The following LACTB variants were observed in gnomAD, a reference collection of about 807,000 sequenced individuals.
The protein encoded by LACTB is lactamase beta, also known as serine beta-lactamase-like protein LACTB, mitochondrial.
Under a neutral mutation model 50.2 loss-of-function variants are expected in LACTB, and 35 were observed. The observed-to-expected ratio is 0.70, with a 90% CI of 0.53 to 0.92. LACTB has a LOEUF of 0.92. Ranked by LOEUF, LACTB falls within the 40% of genes least tolerant of loss-of-function variation. The pLI, the probability that LACTB is intolerant of heterozygous loss-of-function variation, is 0.00. For missense variants in LACTB, 664 were observed against 691.8 expected (o/e 0.96, Z 0.45); for synonymous variants, 252 against 268.2 (o/e 0.94, Z 0.59).
chr15:63,122,278 C>T (rs1282581104), intron 1 of LACTB, 50 bp downstream of exon 1: 1 of 1,445,134 alleles, frequency 6.9e-7, no homozygotes, highest in Non-Finnish European at 9.2e-7. Context: ...CCACCCCTGT[C>T]GGCGGTGCTG....
At chr15:63,135,154 T>C (rs999100313) in intron 5 of LACTB, among the ~76,000 whole-genome samples, 4 of 152,322 alleles carry the variant, frequency 2.6e-5, no homozygotes, top group African/African-American at 9.6e-5. Context: ...TATAAAGAAA[T>C]AGATGAAATG....
chr15:63,131,940 G>A (rs2141074574), intron 5 of LACTB, among the ~76,000 whole-genome samples: 1 of 151,414 alleles, frequency 6.6e-6, no homozygotes, highest in Non-Finnish European at 1.5e-5. Flanking sequence ...GCAAGACTCT[G>A]TCACCGCCCC....
intron 5 of LACTB, chr15:63,131,352 G>T (rs542771024): frequency 6.6e-6 from 1 of 152,066 alleles, no homozygotes; most frequent in East Asian, 1.9e-4. Flanking sequence ...TGCACTCATG[G>T]ATTCTTATTT....
At chr15:63,140,839 A>G (rs2037221288) in intron 5 of LACTB, among the ~76,000 whole-genome samples, 1 of 152,186 alleles carries the variant, frequency 6.6e-6, no homozygotes, top group African/African-American at 2.4e-5. Context: ...ATTCCTAAAC[A>G]TCCCAAAGTG....
chr15:63,127,803 G>A (rs2037074279), intron 4 of LACTB, 114 bp downstream of exon 4: 1 of 690,336 alleles, frequency 1.4e-6, no homozygotes, highest in South Asian at 2.0e-5. Context: ...ATTGTGATAC[G>A]GACTAGTCTG....
chr15:63,124,757 A>T (rs1395347136), intron 2 of LACTB, among the ~76,000 whole-genome samples: 2 of 152,012 alleles, frequency 1.3e-5, no homozygotes, highest in South Asian at 4.1e-4. Flanking sequence ...GTTCGAGACC[A>T]GCCTGGACAA....
At position 63,126,981 on chromosome 15, in the gene LACTB, C is replaced by G; in HGVS notation, c.547C>G (p.Leu183Val). The G allele has an allele frequency of 6.2e-7, 1 of 1,613,604 alleles. No homozygotes were observed. Among genetic ancestry groups the G allele is most frequent in the Non-Finnish European group, 8.5e-7 (1 of 1,179,680 alleles). ...TGCCAAATTGTGGGAAGCAGGGAAA[C>G]TGGATCTTGATATTCCAGTACAACA... is the stretch of plus-strand genomic sequence containing the variant. ...ALAKLWEAGK[L>V]DLDIPVQHYV... The change falls in exon 3 of 6, where the codon CTG (leucine) becomes GTG (valine). Residue 183 changes from leucine (L) to valine (V), a missense_variant. Transcript: ENST00000261893.
chr15:63,132,558 C>T (rs890077886), intron 5 of LACTB, among the ~76,000 whole-genome samples: 1 of 152,170 alleles, frequency 6.6e-6, no homozygotes, highest in African/African-American at 2.4e-5. Flanking sequence ...TGGCTCACAC[C>T]TGTAATCCCA....
chr15:63,129,822 A>G (rs1023753021), intron 5 of LACTB, 172 bp downstream of exon 5: 15 of 812,068 alleles, frequency 1.8e-5, no homozygotes, highest in Non-Finnish European at 2.2e-5. Flanking sequence ...ACATGTTTAT[A>G]AAGTACACTA....
rs1434208301 is a variant in LACTB at position 63,132,912 on chromosome 15, T to C, written c.1118+3262T>C. Among the ~76,000 whole-genome samples, 5 of 152,228 alleles carry C rather than the reference T, an allele frequency of 3.3e-5. No homozygotes were observed. In the East Asian group the frequency reaches 9.6e-4, roughly 29 times the overall value. On this transcript the variant is annotated intron_variant, in intron 5 of 5. Transcript: ENST00000261893. ...AACTATCTGGGTATAAACACTGTTT[T>C]ACAGTGAGGCATCCTTAGGTACTTT...
intron 5 of LACTB, chr15:63,140,929 C>T (rs2037222036): frequency 1.2e-6 from 1 of 804,486 alleles, no homozygotes; most frequent in Non-Finnish European, 1.5e-6. Context: ...GGAATATCTA[C>T]CAAATGATAA....
intron 2 of LACTB, 137 bp downstream of exon 2, chr15:63,122,839 A>G: frequency 1.5e-6 from 1 of 649,430 alleles, no homozygotes; most frequent in South Asian, 1.9e-5. Context: ...ATCTAACATA[A>G]TAAAGAGTCA....
chr15:63,131,370 T>C (rs575365863), intron 5 of LACTB: 3 of 152,352 alleles, frequency 2.0e-5, no homozygotes, highest in African/African-American at 7.2e-5. Context: ...TTTTAGTCAA[T>C]GAGTTATAAT....
intron 5 of LACTB, among the ~76,000 whole-genome samples, chr15:63,139,278 A>ACCAAACTGCAGCCTGG: frequency 6.6e-6 from 1 of 151,986 alleles, no homozygotes; most frequent in East Asian, 1.9e-4. Context: ...AGGCAGGAGA[A>ACCAAACTGCAGCCTGG]TCAGTTGAAC....
At position 63,127,049 on chromosome 15, in the gene LACTB, G is replaced by A; in HGVS notation, c.615G>A (p.Lys205=). The change falls in exon 3 of 6, where the codon AAG becomes AAA. Residue 205 remains lysine, a splice_region_variant and synonymous_variant. Transcript: ENST00000261893. ...EFPEKEYEGE[K]VSVTTRLLIS... ...CAGAAAAAGAATATGAAGGTGAAAA[G>A]GTACTGAAACTCACAGTTCATTTTA... 1.3e-6 allele frequency: 2 copies of A among 1,582,972 alleles called. No individual in the cohort carries two copies. Among genetic ancestry groups the A allele is most frequent in the South Asian group, 1.1e-5 (1 of 87,958 alleles).
Position 63,126,938 on chromosome 15 carries a change from T to C in LACTB, c.504T>C (p.Ser168=), listed in dbSNP as rs1468956893. The stretch of plus-strand genomic sequence containing the variant: ...TGCGAATTGCTAGCATCAGCAAAAG[T>C]CTCACCATGGTTGCTCTTGCCAAAT... ...TVMRIASISK[S]LTMVALAKLW... is the part of the protein sequence containing the mutation. Residue 168 remains serine, a synonymous_variant, in exon 3 of 6, where the codon AGT becomes AGC. Coordinates refer to ENST00000261893, the MANE Select transcript of LACTB (RefSeq NM_032857.5). 1 of 1,613,390 alleles carries C rather than the reference T, an allele frequency of 6.2e-7. No individual in the cohort carries two copies. The highest frequency in any genetic ancestry group is 8.5e-7 in the Non-Finnish European group (1 of 1,179,526).
chr15:63,125,346 T>A (rs549316439), intron 2 of LACTB, among the ~76,000 whole-genome samples: 1 of 151,776 alleles, frequency 6.6e-6, no homozygotes, highest in Non-Finnish European at 1.5e-5. Context: ...TTTTGTATTT[T>A]AAGTAGAGAC....
intron 5 of LACTB, among the ~76,000 whole-genome samples, chr15:63,135,698 A>C (rs977775968): frequency 1.3e-5 from 2 of 152,240 alleles, no homozygotes; most frequent in Non-Finnish European, 1.5e-5. Context: ...TAACCTGATG[A>C]TGGAATGAGA....
intron 2 of LACTB, 60 bp downstream of exon 2, chr15:63,122,762 C>G: frequency 8.3e-7 from 1 of 1,198,944 alleles, no homozygotes; most frequent in Non-Finnish European, 1.2e-6. Flanking sequence ...TATTGTTTTA[C>G]TGGTTAGAGT....
Sources: gnomAD v4.1 joint callset for allele counts (sites outside exome capture counted in the v4.1 genomes callset) on GRCh38, gnomAD v4.1.1 for gene constraint, MANE v1.5 for transcripts, NCBI Gene and HGNC (gene_info 2026-07-23, HGNC 2026-07-21) for gene names.